Variants in TRAK2 observed in about 807,000 individuals in gnomAD.
The protein encoded by TRAK2 is trafficking kinesin protein 2, also known as trafficking kinesin-binding protein 2.
TRAK2 carries 81 observed loss-of-function variants against 104.6 expected under a neutral mutation model. That is an observed-to-expected ratio of 0.77 (90% CI 0.65 to 0.93). TRAK2 has a LOEUF of 0.93. Ranked by LOEUF, TRAK2 falls within the 40% of genes least tolerant of loss-of-function variation. The probability of loss-of-function intolerance (pLI) is 0.00; values close to 1 mark genes in which losing one functional copy is unlikely to be tolerated. For synonymous variants in TRAK2, 406 were observed against 394.4 expected, an observed-to-expected ratio of 1.03 and a Z score of -0.35; for missense variants, 1,002 against 1,089.0, an observed-to-expected ratio of 0.92 and a Z score of 1.12.
chr2:201,426,314 C>T (rs911374195), intron 1 of TRAK2, among the ~76,000 whole-genome samples: 1 of 152,168 alleles, frequency 6.6e-6, no homozygotes, highest in African/African-American at 2.4e-5. Flanking sequence ...GAATCGAATG[C>T]CTGATGGTCT....
intron 3 of TRAK2, 137 bp from the exon 4 acceptor site, chr2:201,401,231 T>TG: frequency 3.9e-6 from 2 of 515,504 alleles, no homozygotes; most frequent in Non-Finnish European, 6.7e-6. Flanking sequence ...AAAATATATG[T>TG]GAAAAAAAAG....
chr2:201,447,514 T>C lies in TRAK2; in HGVS notation c.-200+3836A>G, dbSNP rs531281891. Among the ~76,000 whole-genome samples the C allele has an allele frequency of 8.5e-5, 13 of 152,324 alleles. No homozygotes were observed. The highest frequency in any genetic ancestry group is 3.1e-4 in the African/African-American group (13 of 41,572). On this transcript the variant is annotated intron_variant, in intron 1 of 15. Coordinates refer to ENST00000332624, the MANE Select transcript of TRAK2 (RefSeq NM_015049.3). This position sits in a 1 kb window ranked among gnomAD's most constrained non-coding sequence, Gnocchi z 4.1. ...AGTCTGGAAGTCCAAAATCAAGGTG[T>C]TGGCAGGTTGGTTTCTCCTGAGGCC...
At chr2:201,389,558 A>G in intron 11 of TRAK2, 55 bp from the exon 12 acceptor site, 2 of 1,503,554 alleles carry the variant, frequency 1.3e-6, no homozygotes, top group Non-Finnish European at 1.8e-6. Flanking sequence ...AAGCATCTAG[A>G]GAAGAGAATG....
Position 201,407,541 on chromosome 2 carries a change from G to C in TRAK2, c.148C>G (p.Gln50Glu), listed in dbSNP as rs1425767161. ...EVELVSLLEE[Q>E]LPQYRLKVDT... ...ACTTTTAGCCTATACTGTGGTAGTT[G>C]TTCTTCTAGCAGACTCACCAGCTCA... Residue 50 changes from glutamine to glutamate, a missense_variant, in exon 3 of 16, where the codon CAA becomes GAA. Gln to Glu is a conservative substitution (Grantham distance 29). Transcript: ENST00000332624. 9 of 1,613,908 alleles carry C rather than the reference G, an allele frequency of 5.6e-6. No individual in the cohort carries two copies. The highest frequency in any genetic ancestry group is 6.8e-6 in the Non-Finnish European group (8 of 1,179,986).
At chr2:201,395,265 A>G in intron 8 of TRAK2, 49 bp downstream of exon 8, 2 of 1,510,298 alleles carry the variant, frequency 1.3e-6, no homozygotes, top group Non-Finnish European at 1.8e-6. Flanking sequence ...GGTGCAAGAT[A>G]CTATGTGAGT....
At chr2:201,398,651 G>T (rs1558637) in intron 5 of TRAK2, among the ~76,000 whole-genome samples, 44,053 of 151,806 alleles carry the variant, frequency 0.29, 6,706 homozygotes, top group Admixed American at 0.38. Context: ...AAAAATTCAC[G>T]TAAGATAATA....
At chr2:201,448,402 T>C (rs1254253354) in intron 1 of TRAK2, among the ~76,000 whole-genome samples, 2 of 152,252 alleles carry the variant, frequency 1.3e-5, no homozygotes, top group African/African-American at 2.4e-5. Context: ...GATAAGTTAA[T>C]ATAGGTAAAA....
chr2:201,449,978 C>A (rs1452526917), intron 1 of TRAK2, among the ~76,000 whole-genome samples: 2 of 151,936 alleles, frequency 1.3e-5, no homozygotes, highest in Non-Finnish European at 2.9e-5. Flanking sequence ...CAGGAGTGAG[C>A]CACAGCGCCC....
intron 1 of TRAK2, among the ~76,000 whole-genome samples, chr2:201,429,149 T>C (rs993162109): frequency 2.6e-5 from 4 of 152,246 alleles, no homozygotes; most frequent in African/African-American, 9.6e-5. Flanking sequence ...CCTAATTGAA[T>C]ACCCTCTATT....
At chr2:201,408,579 C>T (rs1951616849) in intron 2 of TRAK2, among the ~76,000 whole-genome samples, 1 of 152,176 alleles carries the variant, frequency 6.6e-6, no homozygotes. Context: ...CCCTATCAAT[C>T]TATTTAGTAC....
At chr2:201,431,945 CAGAG>C (rs1559453185) in intron 1 of TRAK2, among the ~76,000 whole-genome samples, 1 of 152,140 alleles carries the variant, frequency 6.6e-6, no homozygotes, top group East Asian at 1.9e-4. Context: ...GCAGCTACCT[CAGAG>C]GGTTATTGGG....
chr2:201,399,395 C>T lies in TRAK2; in HGVS notation c.462G>A (p.Leu154=), dbSNP rs146539477. 1 of 1,610,116 alleles carries T rather than the reference C, an allele frequency of 6.2e-7. No homozygotes were observed. Among genetic ancestry groups the T allele is most frequent in the Non-Finnish European group, 8.5e-7 (1 of 1,177,078 alleles). The change falls in exon 5 of 16, where the codon TTG becomes TTA. Residue 154 remains leucine (L), a synonymous_variant. Transcript: ENST00000332624. Reference sequence around the variant, plus strand: ...GGCTTACTTGATCAAAGGCTTGTCCCAATTGCTCCTCCAGGGATTCGTTCT... The same window carrying T: ...GGCTTACTTGATCAAAGGCTTGTCCTAATTGCTCCTCCAGGGATTCGTTCT... ...SEQNESLEEQ[L]GQAFDQVNQL... is the part of the protein sequence containing the mutation.
intron 1 of TRAK2, among the ~76,000 whole-genome samples, chr2:201,449,962 G>C (rs559258032): frequency 1.3e-5 from 2 of 151,884 alleles, no homozygotes; most frequent in Non-Finnish European, 2.9e-5. Context: ...CAAAGTGCTG[G>C]GATTACAGGA....
chr2:201,416,413 A>G (rs6729982), intron 2 of TRAK2, among the ~76,000 whole-genome samples: 76,433 of 151,308 alleles, frequency 0.51, 21,050 homozygotes, highest in South Asian at 0.67. Flanking sequence ...CTCAAAAAAA[A>G]AGTAATTTTA....
At chr2:201,410,226 C>T (rs1234633065) in intron 2 of TRAK2, among the ~76,000 whole-genome samples, 14 of 151,922 alleles carry the variant, frequency 9.2e-5, no homozygotes, top group Non-Finnish European at 1.6e-4. Flanking sequence ...GGCGTGAACC[C>T]GCCACTGAGG....
At chr2:201,446,311 T>C (rs1951964001) in intron 1 of TRAK2, among the ~76,000 whole-genome samples, 1 of 152,228 alleles carries the variant, frequency 6.6e-6, no homozygotes, top group African/African-American at 2.4e-5. Context: ...TTTCTTCTAA[T>C]TTTAATGTCC....
intron 7 of TRAK2, 87 bp downstream of exon 7, chr2:201,397,415 T>C (rs111270342): frequency 7.0e-6 from 6 of 862,894 alleles, no homozygotes; most frequent in Non-Finnish European, 1.1e-5. Flanking sequence ...ATGCTTCTAC[T>C]GAAACCAGTG....
At chr2:201,413,417 C>T (rs1951665628) in intron 2 of TRAK2, 1 of 480,834 alleles carries the variant, frequency 2.1e-6, no homozygotes, top group African/African-American at 2.0e-5. Context: ...CCTGCTCTGC[C>T]TTCACACGTG....
intron 15 of TRAK2, among the ~76,000 whole-genome samples, chr2:201,381,618 C>T (rs1576502146): frequency 6.6e-6 from 1 of 152,066 alleles, no homozygotes; most frequent in East Asian, 1.9e-4. Context: ...TTCATATATC[C>T]ATTCCATAAA....
Sources: allele counts gnomAD v4.1 joint callset (sites outside exome capture counted in the v4.1 genomes callset), GRCh38; gene constraint gnomAD v4.1.1; non-coding constraint Gnocchi (gnomAD v3.1); transcripts MANE v1.5; gene names NCBI Gene and HGNC (gene_info 2026-07-23, HGNC 2026-07-21).